Variants in AASS observed in about 807,000 individuals in gnomAD.
AASS encodes aminoadipate-semialdehyde synthase, also known as alpha-aminoadipic semialdehyde synthase, mitochondrial.
A neutral mutation model predicts 105.4 loss-of-function variants in AASS; 86 were observed. That is an observed-to-expected ratio of 0.82 (90% CI 0.69 to 0.98). AASS has a LOEUF of 0.98. Among genes scored for constraint, AASS ranks in the 50% least tolerant of loss-of-function variants. AASS has a pLI of 0.00. For synonymous variants in AASS, 381 were observed against 394.8 expected (o/e 0.96, Z 0.41); for missense variants, 1,048 against 1,143.2 (o/e 0.92, Z 1.20).
intron 13 of AASS, among the ~76,000 whole-genome samples, chr7:122,100,593 A>AT (rs886934469): frequency 7.3e-5 from 11 of 151,172 alleles, no homozygotes; most frequent in Middle Eastern, 3.4e-3. Context: ...CAGTTGTGTT[A>AT]TTTTTTTTTC....
In AASS at chr7:122,109,023, G is replaced by GA. The variant is rs1023787839; in HGVS notation, c.1278+4094dup. Among the ~76,000 whole-genome samples the GA allele has an allele frequency of 1.9e-4, 28 of 151,252 alleles. 2 individuals carry two copies. Among genetic ancestry groups the GA allele is most frequent in the African/African-American group, 1.7e-4 (7 of 41,346 alleles). On this transcript the variant is annotated intron_variant, in intron 11 of 23. Transcript: ENST00000417368. ...TCTATATGCCAACTGTGAACAATCT[G>GA]AAAAAAAATCCCATTTCCAATAGCC...
intron 11 of AASS, among the ~76,000 whole-genome samples, chr7:122,104,279 T>C (rs1211401766): frequency 7.4e-6 from 1 of 134,912 alleles, no homozygotes; most frequent in Non-Finnish European, 1.6e-5. Context: ...ATATACACCA[T>C]GGAATACTAT....
At chr7:122,121,371 T>C (rs1795433588) in intron 4 of AASS, among the ~76,000 whole-genome samples, 1 of 152,208 alleles carries the variant, frequency 6.6e-6, no homozygotes, top group Non-Finnish European at 1.5e-5. Flanking sequence ...TTGTTTCATT[T>C]GAAACTATCA....
At chr7:122,127,347 C>T (rs1420676153) in intron 3 of AASS, among the ~76,000 whole-genome samples, 1 of 151,828 alleles carries the variant, frequency 6.6e-6, no homozygotes, top group African/African-American at 2.4e-5. Context: ...ATTTTATTTC[C>T]TCAAAGATCA....
chr7:122,133,921 A>G, intron 1 of AASS, 180 bp from the exon 2 acceptor site: 1 of 629,068 alleles, frequency 1.6e-6, no homozygotes, highest in Non-Finnish European at 2.8e-6. Context: ...GTTTTCAAAA[A>G]CAAGATTATT....
At position 122,078,921 on chromosome 7, in the gene AASS, G is replaced by A. The variant is rs762188159; in HGVS notation, c.2426C>T (p.Pro809Leu). The stretch of plus-strand genomic sequence containing the variant: ...GGCATCCAGAATGGACTCTGCCTGA[G>A]GAACTTGTTCATCCCCAAGTAAGCC... The part of the protein sequence containing the change: ...WLGLLGDEQV[P>L]QAESILDALS... Residue 809 changes from proline (P) to leucine (L), a missense_variant, in exon 22 of 24, where the codon CCT becomes CTT. Transcript: ENST00000417368. 1.2e-6 allele frequency: 2 copies of A among 1,614,092 alleles called. No homozygotes were observed. The highest frequency in any genetic ancestry group is 2.2e-5 in the South Asian group (2 of 91,088).
intron 4 of AASS, among the ~76,000 whole-genome samples, chr7:122,123,274 G>T (rs1354094127): frequency 1.3e-5 from 2 of 152,096 alleles, no homozygotes; most frequent in African/African-American, 4.8e-5. Flanking sequence ...TATCTCCTCA[G>T]CTTATTGAGT....
Position 122,137,996 on chromosome 7 carries a change from G to A in AASS, c.-15-4255C>T, listed in dbSNP as rs190875565. Among the ~76,000 whole-genome samples, 294 of 152,124 alleles carry A rather than the reference G, an allele frequency of 1.9e-3. 1 individual carries two copies. The highest frequency in any genetic ancestry group is 6.8e-3 in the Middle Eastern group (2 of 294). ...AAAGAGCTAGAAAGAACAAAGAGGA[G>A]GAAAATAGAGAAAGAGAAGTGTCAC... On this transcript the variant is annotated intron_variant, in intron 1 of 23. Transcript: ENST00000417368.
Position 122,133,592 on chromosome 7 carries a change from C to T in AASS, c.135G>A (p.Lys45=), listed in dbSNP as rs1796007875. ...CCAGATTGGTGATGCCTTTGATGTG[C>T]TTGGGAGCTAGCGGGGCCCTTCTCT... ...AWERRAPLAP[K]HIKGITNLGY... Residue 45 remains lysine, a synonymous_variant, in exon 2 of 24, where the codon AAG becomes AAA. Transcript: ENST00000417368. The T allele has an allele frequency of 6.2e-7, 1 of 1,614,072 alleles. No individual in the cohort carries two copies. Among genetic ancestry groups the T allele is most frequent in the African/African-American group, 1.3e-5 (1 of 74,908 alleles).
chr7:122,142,867 A>T (rs1338735490), intron 1 of AASS, among the ~76,000 whole-genome samples: 1 of 152,268 alleles, frequency 6.6e-6, no homozygotes, highest in Admixed American at 6.5e-5. Context: ...TTAAACGACT[A>T]GTGAGAAAAA....
At position 122,098,468 on chromosome 7, in the gene AASS, T is replaced by C; in HGVS notation, c.1637A>G (p.Lys546Arg). ...QEEKLGFLVAKQDLVISLLPY... is the reference protein window; with the variant it reads ...QEEKLGFLVARQDLVISLLPY... ...TACTGACCTGATGACAAGATCCTGT[T>C]TTGCCACCAAGAAGCCCAGCTTCTC... is the stretch of plus-strand genomic sequence containing the variant. Residue 546 changes from lysine (K) to arginine (R), a missense_variant, in exon 15 of 24, where the codon AAA becomes AGA. Coordinates refer to ENST00000417368, the MANE Select transcript of AASS (RefSeq NM_005763.4). 6.2e-7 allele frequency: 1 copy of C among 1,612,314 alleles called. No homozygotes were observed. Among genetic ancestry groups the C allele is most frequent in the African/African-American group, 1.3e-5 (1 of 74,936 alleles).
chr7:122,142,229 G>A (rs914809247), intron 1 of AASS, among the ~76,000 whole-genome samples: 2 of 152,054 alleles, frequency 1.3e-5, no homozygotes, highest in East Asian at 1.9e-4. Context: ...CTCTTAAGAC[G>A]TTTAATTGAG....
rs1204050887 is a variant in AASS, at chr7:122,113,654, T to C, written c.1110A>G (p.Thr370=). The stretch of plus-strand genomic sequence containing the variant: ...ACATGCAAAAGGGATGCTCTATTGT[T>C]GTACACTCAGTCATAAACTCTATAG... ...GGSIEFMTEC[T]TIEHPFCMYD... Residue 370 remains threonine (T), a synonymous_variant, in exon 10 of 24, where the codon ACA becomes ACG. Coordinates refer to ENST00000417368, the MANE Select transcript of AASS (RefSeq NM_005763.4). 1 of 1,613,622 alleles carries C rather than the reference T, an allele frequency of 6.2e-7. No homozygotes were observed. Among genetic ancestry groups the C allele is most frequent in the Non-Finnish European group, 8.5e-7 (1 of 1,179,918 alleles).
chr7:122,128,757 A>G (rs1795773428), intron 3 of AASS, among the ~76,000 whole-genome samples: 2 of 152,136 alleles, frequency 1.3e-5, no homozygotes, highest in South Asian at 2.1e-4. Context: ...TCAAAAATGC[A>G]TTTTCCCTTA....
chr7:122,109,949 C>G (rs1361684666), intron 11 of AASS, among the ~76,000 whole-genome samples: 2 of 151,790 alleles, frequency 1.3e-5, no homozygotes, highest in African/African-American at 4.8e-5. Context: ...ACAAGAAAGT[C>G]AAAGAACAAA....
In AASS at chr7:122,118,480, T is replaced by G. The variant is rs139548244; in HGVS notation, c.541-27A>C. On this transcript the variant is annotated intron_variant, in intron 5 of 23. Coordinates refer to ENST00000417368, the MANE Select transcript of AASS (RefSeq NM_005763.4). Reference sequence around the variant, plus strand: ...TGAAAACAAACATACACAACTCAAGTTAGTCCACCAGCTCAGCATTTTTTT... The same window carrying G: ...TGAAAACAAACATACACAACTCAAGGTAGTCCACCAGCTCAGCATTTTTTT... 11 of 1,614,126 alleles carry G rather than the reference T, an allele frequency of 6.8e-6. No individual in the cohort carries two copies. The African/African-American group carries it at 1.1e-4, about 16-fold the overall frequency.
intron 3 of AASS, 149 bp from the exon 4 acceptor site, chr7:122,126,608 A>C: frequency 1.4e-6 from 1 of 711,376 alleles, no homozygotes; most frequent in Non-Finnish European, 2.5e-6. Context: ...TATACCATGA[A>C]ATATTTAGAA....
At position 122,094,135 on chromosome 7, in the gene AASS, C is replaced by T. The variant is rs1266780684; in HGVS notation, c.1656-977G>A. Among the ~76,000 whole-genome samples, 3 of 152,240 alleles carry T rather than the reference C, an allele frequency of 2.0e-5. No individual in the cohort carries two copies. The South Asian group carries it at 6.2e-4, about 32-fold the overall frequency. On this transcript the variant is annotated intron_variant, in intron 15 of 23. Transcript: ENST00000417368. ...GGAGCAGGGGCTGAAAAACAACCTA[C>T]TGGGTACTATGCTTGCTACTTGGTG...
At chr7:122,109,102 C>A (rs1794811228) in intron 11 of AASS, among the ~76,000 whole-genome samples, 1 of 151,728 alleles carries the variant, frequency 6.6e-6, no homozygotes, top group Admixed American at 6.6e-5. Flanking sequence ...TGAAAGATCT[C>A]TATACTAAAA....
Sources: gnomAD v4.1 joint callset for allele counts (sites outside exome capture counted in the v4.1 genomes callset) on GRCh38, gnomAD v4.1.1 for gene constraint, MANE v1.5 for transcripts, NCBI Gene and HGNC (gene_info 2026-07-23, HGNC 2026-07-21) for gene names.